The following KLF13 variants were observed in gnomAD, a reference collection of about 807,000 sequenced individuals.
The protein encoded by KLF13 is KLF transcription factor 13.
KLF13 carries 8 observed loss-of-function variants against 16.7 expected under a neutral mutation model. That is an observed-to-expected ratio of 0.48 (90% CI 0.28 to 0.87). KLF13 has a LOEUF of 0.87. KLF13 is among the 40% of genes least tolerant of loss of function. The pLI is 0.10. For missense variants in KLF13, 447 were observed against 452.2 expected (o/e 0.99, Z 0.10); for synonymous variants, 245 against 208.4 (o/e 1.18, Z -1.51).
chr15:31,333,227 A>G (rs1431235978), intron 1 of KLF13, among the ~76,000 whole-genome samples: 2 of 152,184 alleles, frequency 1.3e-5, no homozygotes, highest in African/African-American at 4.8e-5. Flanking sequence ...AAGGAAGCTA[A>G]GGCTCCAGTG....
intron 1 of KLF13, among the ~76,000 whole-genome samples, chr15:31,422,132 C>CAAAAAAAAAAAA (rs72041709): frequency 1.3e-5 from 1 of 77,826 alleles, no homozygotes. Flanking sequence ...AACAAACAAA[C>CAAAAAAAAAAAA]AAAAAAAAAA....
At chr15:31,418,487 T>C (rs750110744) in intron 1 of KLF13, among the ~76,000 whole-genome samples, 5 of 152,100 alleles carry the variant, frequency 3.3e-5, no homozygotes, top group Non-Finnish European at 5.9e-5. Context: ...TTAGTAACAG[T>C]GTTCAAGGAC....
chr15:31,400,276 C>T (rs1055829363), intron 2 of KLF13, among the ~76,000 whole-genome samples: 3 of 152,172 alleles, frequency 2.0e-5, no homozygotes, highest in Non-Finnish European at 4.4e-5. Context: ...CATGTTCATG[C>T]TTGTATTTTA....
chr15:31,433,215 T>C (rs2141017341), intron 1 of KLF13, among the ~76,000 whole-genome samples: 1 of 152,314 alleles, frequency 6.6e-6, no homozygotes, highest in South Asian at 2.1e-4. Context: ...CTGAGTACTG[T>C]GCCCAATGGC....
At chr15:31,417,367 C>T (rs112523792) in intron 1 of KLF13, among the ~76,000 whole-genome samples, 8,751 of 151,194 alleles carry the variant, frequency 0.058, 300 homozygotes, top group African/African-American at 0.063. Context: ...TCATGGTGTG[C>T]GCCTGTAATC....
intron 1 of KLF13, among the ~76,000 whole-genome samples, chr15:31,348,418 T>G (rs2039161247): frequency 6.6e-6 from 1 of 152,224 alleles, no homozygotes; most frequent in South Asian, 2.1e-4. Context: ...AGTATACGTG[T>G]GCTACAGACC....
chr15:31,380,292 C>CA (rs935555761), downstream of KLF13, among the ~76,000 whole-genome samples: 21 of 152,216 alleles, frequency 1.4e-4, no homozygotes, highest in African/African-American at 5.1e-4. Context: ...AACTCTGTCT[C>CA]AAAAACAAAT....
At chr15:31,379,304 A>G (rs181354245), downstream of KLF13, among the ~76,000 whole-genome samples, 223 of 152,222 alleles carry the variant, frequency 1.5e-3, no homozygotes, top group African/African-American at 5.2e-3. Flanking sequence ...TGGTTGGAGT[A>G]TTTTCCCAGG....
At chr15:31,401,101 G>T (rs578180931) in intron 2 of KLF13, among the ~76,000 whole-genome samples, 1 of 152,080 alleles carries the variant, frequency 6.6e-6, no homozygotes, top group Non-Finnish European at 1.5e-5. Context: ...CCTCCCGGGA[G>T]CAAGCTATTC....
downstream of KLF13, among the ~76,000 whole-genome samples, chr15:31,408,261 T>G (rs1392000951): frequency 6.6e-6 from 1 of 152,144 alleles, no homozygotes; most frequent in Non-Finnish European, 1.5e-5. Context: ...ACATATGAAG[T>G]TAAAAGATGA....
intron 1 of KLF13, among the ~76,000 whole-genome samples, chr15:31,433,163 C>T (rs569837544): frequency 2.0e-5 from 3 of 152,266 alleles, no homozygotes; most frequent in African/African-American, 7.2e-5. Context: ...GTTAGGTGGG[C>T]GTGGAGCAGT....
chr15:31,363,996 C>T (rs1272775339), intron 1 of KLF13, among the ~76,000 whole-genome samples: 2 of 152,164 alleles, frequency 1.3e-5, no homozygotes, highest in African/African-American at 2.4e-5. Context: ...GCTCCCTGCC[C>T]TAGGGGTTCG....
intron 1 of KLF13, among the ~76,000 whole-genome samples, chr15:31,330,528 A>G (rs895459137): frequency 3.9e-5 from 6 of 152,200 alleles, no homozygotes. Context: ...CATGAGGTCA[A>G]GTATGTGAAG....
chr15:31,329,218 A>G (rs1372086495), intron 1 of KLF13, among the ~76,000 whole-genome samples: 1 of 144,094 alleles, frequency 6.9e-6, no homozygotes, highest in Non-Finnish European at 1.5e-5. Flanking sequence ...TGGGGGTGGG[A>G]GTCAGTGTGG....
chr15:31,368,585 G>C (rs1430205541), intron 1 of KLF13, among the ~76,000 whole-genome samples: 1 of 152,188 alleles, frequency 6.6e-6, no homozygotes, highest in Admixed American at 6.5e-5. Context: ...CCAGGCGTGT[G>C]GCTCATACCT....
intron 1 of KLF13, among the ~76,000 whole-genome samples, chr15:31,337,918 C>G (rs1167272561): frequency 6.6e-6 from 1 of 152,166 alleles, no homozygotes; most frequent in African/African-American, 2.4e-5. Flanking sequence ...AGTTTTAGCA[C>G]TTTATTCTGT....
rs2039609280 is a variant in KLF13, at chr15:31,374,368, G to C, written c.*2069G>C. On this transcript the variant is annotated 3_prime_UTR_variant, in exon 2 of 2. Transcript: ENST00000307145. ...GGTTGGATGCGGAGCTGGTCCCTCT[G>C]GCTGCCATGCTGTGTTGGGGCTCTC... The C allele has an allele frequency of 6.6e-6, 1 of 152,460 alleles. No individual in the cohort carries two copies. Among genetic ancestry groups the C allele is most frequent in the South Asian group, 2.1e-4 (1 of 4,826 alleles). The allele number at this position is 152,460 out of a possible 1,614,324, so 9.4% of individuals were successfully genotyped here.
intron 1 of KLF13, among the ~76,000 whole-genome samples, chr15:31,355,365 G>C (rs562778851): frequency 6.6e-6 from 1 of 152,172 alleles, no homozygotes; most frequent in Non-Finnish European, 1.5e-5. Context: ...CTAAGGAAAG[G>C]CTGGACTGCC....
intron 1 of KLF13, among the ~76,000 whole-genome samples, chr15:31,385,002 T>A (rs764598195): frequency 6.6e-6 from 1 of 152,002 alleles, no homozygotes; most frequent in Admixed American, 6.6e-5. Context: ...TGAGGGTGGA[T>A]CTCATGATTT....
Sources: gnomAD v4.1 joint callset for allele counts (sites outside exome capture counted in the v4.1 genomes callset) on GRCh38, gnomAD v4.1.1 for gene constraint, MANE v1.5 for transcripts, NCBI Gene and HGNC (gene_info 2026-07-23, HGNC 2026-07-21) for gene names.